The following DLGAP2 variants were observed in gnomAD, a reference collection of about 807,000 sequenced individuals.
DLGAP2 encodes the protein disks large-associated protein 2.
DLGAP2 carries 26 observed loss-of-function variants against 100.3 expected under a neutral mutation model. The ratio of observed to expected loss-of-function variants is 0.26; its 90% CI spans 0.19 to 0.36. The LOEUF (loss-of-function observed/expected upper bound fraction) is 0.36. Ranked by LOEUF, DLGAP2 falls within the 10% of genes least tolerant of loss-of-function variation. The probability of loss-of-function intolerance (pLI) is 1.00; values close to 1 mark genes in which losing one functional copy is unlikely to be tolerated. For synonymous variants in DLGAP2, 886 were observed against 630.1 expected (o/e 1.41, Z -6.08); for missense variants, 1,858 against 1,453.2 (o/e 1.28, Z -4.53).
intron 6 of DLGAP2, among the ~76,000 whole-genome samples, chr8:1,572,511 G>C (rs1183211522): frequency 5.5e-4 from 73 of 131,902 alleles, no homozygotes; most frequent in Admixed American, 8.3e-4. Flanking sequence ...CATCTTCTGG[G>C]ATGGAGAGGA....
intron 4 of DLGAP2, among the ~76,000 whole-genome samples, chr8:1,532,251 C>T (rs761772735): frequency 1.3e-5 from 2 of 152,154 alleles, no homozygotes; most frequent in Non-Finnish European, 2.9e-5. Flanking sequence ...GGGGGAGGTC[C>T]TGGAACGCAC....
intron 3 of DLGAP2, among the ~76,000 whole-genome samples, chr8:1,267,689 G>A (rs540518110): frequency 1.3e-5 from 2 of 151,956 alleles, no homozygotes; most frequent in African/African-American, 2.4e-5. Context: ...GTGATGAGAC[G>A]CCCACGTCCT....
intron 1 of DLGAP2, among the ~76,000 whole-genome samples, chr8:759,140 T>TTTCCCATTATCAATACCCCCCACAACC (rs71202656): frequency 0.082 from 748 of 9,170 alleles, 210 homozygotes; most frequent in South Asian, 0.21. Context: ...CCCTGACAGC[T>TTTCCCATTATCAATACCCCCCACAACC]TTCCCATTAT....
chr8:912,767 C>A (rs1259143012), intron 2 of DLGAP2, among the ~76,000 whole-genome samples: 1 of 147,880 alleles, frequency 6.8e-6, no homozygotes, highest in Non-Finnish European at 1.5e-5. Flanking sequence ...TGGAGCTGAC[C>A]CCTGCGCTAT....
intron 3 of DLGAP2, among the ~76,000 whole-genome samples, chr8:1,283,887 A>C (rs559520772): frequency 6.6e-6 from 1 of 152,202 alleles, no homozygotes; most frequent in Admixed American, 6.5e-5. Context: ...ATAGCCCTTC[A>C]ATGTGTTGTT....
intron 1 of DLGAP2, among the ~76,000 whole-genome samples, chr8:818,523 G>C (rs9314634): frequency 1.3e-5 from 2 of 152,076 alleles, no homozygotes; most frequent in East Asian, 3.9e-4. Flanking sequence ...CCAAGGGTCT[G>C]TGGATTCTCT....
chr8:1,647,090 G>C (rs1468171330), intron 8 of DLGAP2, among the ~76,000 whole-genome samples: 2 of 152,290 alleles, frequency 1.3e-5, no homozygotes, highest in Non-Finnish European at 2.9e-5. Flanking sequence ...CCTGTGGACT[G>C]ATGGTTCCAG....
intron 2 of DLGAP2, among the ~76,000 whole-genome samples, chr8:1,231,681 A>G (rs1405239204): frequency 6.6e-6 from 1 of 152,228 alleles, no homozygotes; most frequent in Non-Finnish European, 1.5e-5. Context: ...TCTTTGCAGC[A>G]ATGTGGATGC....
At chr8:1,672,200 G>GT (rs553004995) in intron 10 of DLGAP2, among the ~76,000 whole-genome samples, 1 of 150,302 alleles carries the variant, frequency 6.7e-6, no homozygotes, top group Non-Finnish European at 1.5e-5. Context: ...AATGAGATCA[G>GT]TTTTTTTGTT....
chr8:1,267,825 A>C (rs1395448699), intron 3 of DLGAP2, among the ~76,000 whole-genome samples: 1 of 151,910 alleles, frequency 6.6e-6, no homozygotes, highest in Non-Finnish European at 1.5e-5. Context: ...TGCTGGTTCT[A>C]TGGGAATTCT....
chr8:1,050,268 A>T (rs536956768), intron 2 of DLGAP2, among the ~76,000 whole-genome samples: 1 of 152,326 alleles, frequency 6.6e-6, no homozygotes, highest in South Asian at 2.1e-4. Context: ...TGACTTTAGG[A>T]TGGTTCAAAC....
chr8:1,669,155 A>G (rs1301698752), intron 9 of DLGAP2, among the ~76,000 whole-genome samples: 1 of 152,216 alleles, frequency 6.6e-6, no homozygotes, highest in Non-Finnish European at 1.5e-5. Flanking sequence ...TCCTCTCTAC[A>G]GAAATTGGAC....
chr8:1,491,399 G>GGAGGCTTCAGGCTGCTCCCCCGATCCCA (rs1563180351), intron 3 of DLGAP2, among the ~76,000 whole-genome samples: 2 of 151,750 alleles, frequency 1.3e-5, no homozygotes, highest in Non-Finnish European at 2.9e-5. Flanking sequence ...CCCTGACCTC[G>GGAGGCTTCAGGCTGCTCCCCCGATCCCA]GAGGCTTCCG....
At chr8:977,425 G>T (rs892277118) in intron 2 of DLGAP2, among the ~76,000 whole-genome samples, 7 of 152,204 alleles carry the variant, frequency 4.6e-5, no homozygotes, top group African/African-American at 1.7e-4. Flanking sequence ...GCAATGTGAG[G>T]TCAAAACTAG....
chr8:767,620 G>T (rs950533651), intron 1 of DLGAP2, among the ~76,000 whole-genome samples: 1 of 152,128 alleles, frequency 6.6e-6, no homozygotes, highest in Non-Finnish European at 1.5e-5. Flanking sequence ...CTCCCAAAGT[G>T]CTGGGATTAC....
intron 3 of DLGAP2, among the ~76,000 whole-genome samples, chr8:1,318,862 G>C (rs1186793878): frequency 7.0e-6 from 1 of 143,310 alleles, no homozygotes; most frequent in Non-Finnish European, 1.5e-5. Flanking sequence ...AAAAGGCAGA[G>C]TTAATGATGT....
chr8:1,306,599 A>G (rs182747087), intron 3 of DLGAP2, among the ~76,000 whole-genome samples: 1 of 152,330 alleles, frequency 6.6e-6, no homozygotes, highest in East Asian at 1.9e-4. Context: ...ATCTTGAAAA[A>G]TAAGAACTAA....
Position 972,105 on chromosome 8 carries a change from C to G in DLGAP2, c.73+64139C>G, listed in dbSNP as rs1056245351. 2.6e-5 allele frequency among the ~76,000 whole-genome samples: 4 copies of G among 152,116 alleles called. No homozygotes were observed. In the East Asian group the frequency reaches 7.7e-4, roughly 29 times the overall value. On this transcript the variant is annotated intron_variant, in intron 2 of 14. Coordinates refer to ENST00000637795, the MANE Select transcript of DLGAP2 (RefSeq NM_001346810.2). ...GTAACAGGAGAGACAAAAACAAGGA[C>G]AACACAGGACATTTTAACCTCTTAA... is the stretch of plus-strand genomic sequence containing the variant.
chr8:996,157 A>G (rs944539877), intron 2 of DLGAP2, among the ~76,000 whole-genome samples: 1 of 152,190 alleles, frequency 6.6e-6, no homozygotes, highest in Admixed American at 6.5e-5. Flanking sequence ...TCTCCACTCC[A>G]GAGCTGAGAG....
Sources: allele counts gnomAD v4.1 joint callset (sites outside exome capture counted in the v4.1 genomes callset), GRCh38; gene constraint gnomAD v4.1.1; transcripts MANE v1.5; gene names NCBI Gene and HGNC (gene_info 2026-07-23, HGNC 2026-07-21).